The following YAP1 variants were observed in gnomAD, a reference collection of about 807,000 sequenced individuals.
YAP1 encodes transcriptional coactivator YAP1.
YAP1 carries 5 observed loss-of-function variants against 56.9 expected under a neutral mutation model. The ratio of observed to expected loss-of-function variants is 0.09; its 90% CI spans 0.05 to 0.18. The LOEUF is 0.18. Among genes scored for constraint, YAP1 ranks in the 10% least tolerant of loss-of-function variants. YAP1 has a pLI of 1.00. For synonymous variants in YAP1, 265 were observed against 248.1 expected (o/e 1.07, Z -0.64); for missense variants, 539 against 651.8 (o/e 0.83, Z 1.88).
intron 2 of YAP1, among the ~76,000 whole-genome samples, chr11:102,153,345 GCTC>G (rs1395105867): frequency 6.6e-6 from 1 of 152,144 alleles, no homozygotes; most frequent in Non-Finnish European, 1.5e-5. Context: ...CTCTTCCACT[GCTC>G]CTCCCCACCA....
intron 6 of YAP1, among the ~76,000 whole-genome samples, chr11:102,217,930 A>G (rs573421248): frequency 1.2e-3 from 179 of 152,106 alleles, no homozygotes; most frequent in African/African-American, 4.1e-3. Context: ...CGAACTCCCA[A>G]CCTCAGGTGA....
At chr11:102,177,544 G>GT in intron 3 of YAP1, among the ~76,000 whole-genome samples, 1 of 152,160 alleles carries the variant, frequency 6.6e-6, no homozygotes, top group Non-Finnish European at 1.5e-5. Context: ...GGGCGTGGTG[G>GT]TGAGGGCCTG....
intron 2 of YAP1, among the ~76,000 whole-genome samples, chr11:102,131,342 G>C (rs562512560): frequency 2.0e-5 from 3 of 152,154 alleles, no homozygotes; most frequent in African/African-American, 7.2e-5. Context: ...TGTAGCAGGC[G>C]TTGTTCTGGA....
chr11:102,219,887 A>G (rs2135681327), intron 6 of YAP1, among the ~76,000 whole-genome samples: 1 of 151,872 alleles, frequency 6.6e-6, no homozygotes, highest in South Asian at 2.1e-4. Flanking sequence ...ATACGCCACC[A>G]CGCCTGGCTA....
chr11:102,121,140 T>C (rs1943623138), intron 2 of YAP1, among the ~76,000 whole-genome samples: 2 of 152,194 alleles, frequency 1.3e-5, no homozygotes, highest in Admixed American at 6.5e-5. Flanking sequence ...AATGGAGAAT[T>C]CCAGAAATAA....
At chr11:102,167,304 A>G (rs1946664961) in intron 3 of YAP1, among the ~76,000 whole-genome samples, 1 of 152,264 alleles carries the variant, frequency 6.6e-6, no homozygotes, top group Non-Finnish European at 1.5e-5. Flanking sequence ...GAAGAGGAAA[A>G]TGGAAAAATA....
chr11:102,230,143 C>T lies in YAP1; in HGVS notation c.*203C>T, dbSNP rs1353379073. On this transcript the variant is annotated 3_prime_UTR_variant, in exon 9 of 9. Coordinates refer to ENST00000282441, the MANE Select transcript of YAP1 (RefSeq NM_001130145.3). ...TTGCTGACCTCTTTCACAGTTGGCT[C>T]TAAAGAATCAAAAGAAAAAAACTTT... 8.2e-6 allele frequency: 4 copies of T among 485,038 alleles called. No individual in the cohort carries two copies. Among genetic ancestry groups the T allele is most frequent in the African/African-American group, 3.9e-5 (2 of 51,400 alleles). The allele number at this position is 485,038 out of a possible 1,614,324, so 30.0% of individuals were successfully genotyped here.
chr11:102,217,308 A>C (rs1464321019), intron 6 of YAP1, among the ~76,000 whole-genome samples: 1 of 152,270 alleles, frequency 6.6e-6, no homozygotes, highest in Non-Finnish European at 1.5e-5. Flanking sequence ...TGAGAAAGGC[A>C]GTAAAAGTAG....
chr11:102,112,076 C>G (rs1942967061), intron 1 of YAP1, among the ~76,000 whole-genome samples: 1 of 152,218 alleles, frequency 6.6e-6, no homozygotes, highest in Non-Finnish European at 1.5e-5. Context: ...TTAGCCACAT[C>G]TGTACGTTGC....
chr11:102,185,898 T>C (rs1344761922), intron 3 of YAP1, 120 bp from the exon 4 acceptor site: 39 of 1,001,152 alleles, frequency 3.9e-5, no homozygotes, highest in Non-Finnish European at 5.4e-5. Context: ...GCCTTAAATA[T>C]GTTTCAATGA....
intron 6 of YAP1, among the ~76,000 whole-genome samples, chr11:102,221,759 C>G (rs1399256899): frequency 2.0e-5 from 3 of 151,634 alleles, no homozygotes; most frequent in African/African-American, 7.3e-5. Context: ...AGAAGCACAT[C>G]TTATAACGTA....
At chr11:102,197,798 G>C (rs111393333) in intron 4 of YAP1, among the ~76,000 whole-genome samples, 1 of 152,152 alleles carries the variant, frequency 6.6e-6, no homozygotes, top group African/African-American at 2.4e-5. Flanking sequence ...TTGATAGCCA[G>C]AGGAAGAAGT....
intron 2 of YAP1, among the ~76,000 whole-genome samples, chr11:102,157,541 C>G (rs764090076): frequency 1.8e-4 from 28 of 152,194 alleles, no homozygotes; most frequent in Non-Finnish European, 3.7e-4. Context: ...TTAAAACATT[C>G]TTCACACCGT....
intron 2 of YAP1, among the ~76,000 whole-genome samples, chr11:102,158,838 G>A (rs945515749): frequency 4.6e-5 from 7 of 152,158 alleles, no homozygotes; most frequent in African/African-American, 7.2e-5. Context: ...ATGTTGTTCA[G>A]TGTTCCTTAA....
At position 102,232,925 on chromosome 11, in the gene YAP1, T is replaced by C. The variant is rs2135740088; in HGVS notation, c.*2985T>C. ...GAAGTGACTTTGCTACAAATAATGT[T>C]GCTGTGTTAAGTATTCATATTAAAT... On this transcript the variant is annotated 3_prime_UTR_variant, in exon 9 of 9. Coordinates refer to ENST00000282441, the MANE Select transcript of YAP1 (RefSeq NM_001130145.3). The C allele has an allele frequency of 6.6e-6, 1 of 152,470 alleles. No homozygotes were observed. The highest frequency in any genetic ancestry group is 2.4e-5 in the African/African-American group (1 of 41,584). 9.4% of individuals were successfully genotyped at this position (152,470 alleles called of 1,614,324 possible). A position where few individuals can be genotyped will look rare whatever the true frequency, so the allele number is the denominator to read the frequency against.
At chr11:102,137,288 A>C (rs1186326081) in intron 2 of YAP1, among the ~76,000 whole-genome samples, 1 of 152,220 alleles carries the variant, frequency 6.6e-6, no homozygotes, top group Non-Finnish European at 1.5e-5. Context: ...AGTTACTAAG[A>C]GAATAGGGTA....
chr11:102,200,444 C>CT (rs200365533), intron 4 of YAP1, among the ~76,000 whole-genome samples: 1,378 of 131,164 alleles, frequency 0.011, 10 homozygotes, highest in African/African-American at 0.013. Context: ...AAAGAATAAG[C>CT]TTTTTTTTTT....
At chr11:102,113,888 A>T (rs1355235057) in intron 1 of YAP1, among the ~76,000 whole-genome samples, 1 of 152,130 alleles carries the variant, frequency 6.6e-6, no homozygotes, top group African/African-American at 2.4e-5. Context: ...TTACATGTCT[A>T]GTGTGGACCA....
rs112147378 is a variant in YAP1, at chr11:102,112,930, A to G, written c.322-1214A>G. On this transcript the variant is annotated intron_variant, in intron 1 of 8. Transcript: ENST00000282441. ...TGGGAAGTGTACTTTTTCTTCTAGT[A>G]AATAATTTTTACAAGAATTTATATC... Among the ~76,000 whole-genome samples, 1,200 of 152,336 alleles carry G rather than the reference A, an allele frequency of 7.9e-3. 12 individuals carry two copies. Among genetic ancestry groups the G allele is most frequent in the African/African-American group, 0.028 (1,153 of 41,576 alleles).
Sources: allele counts gnomAD v4.1 joint callset (sites outside exome capture counted in the v4.1 genomes callset), GRCh38; gene constraint gnomAD v4.1.1; transcripts MANE v1.5; gene names NCBI Gene and HGNC (gene_info 2026-07-23, HGNC 2026-07-21).